The following SGCZ variants were observed in gnomAD, a reference collection of about 807,000 sequenced individuals.
The protein encoded by SGCZ is sarcoglycan zeta, also known as zeta-sarcoglycan.
SGCZ carries 40 observed loss-of-function variants against 41.3 expected under a neutral mutation model. The ratio of observed to expected loss-of-function variants is 0.97; its 90% CI spans 0.75 to 1.26. The LOEUF (loss-of-function observed/expected upper bound fraction) is 1.26, where lower values mean the gene tolerates loss of function less well. SGCZ is among the 50% of genes most tolerant of loss of function. SGCZ has a pLI of 0.00. For missense variants in SGCZ, 552 were observed against 369.8 expected (o/e 1.49, Z -4.04); for synonymous variants, 206 against 137.5 (o/e 1.50, Z -3.49).
At chr8:14,279,069 T>C (rs1469540814) in intron 3 of SGCZ, among the ~76,000 whole-genome samples, 1 of 152,074 alleles carries the variant, frequency 6.6e-6, no homozygotes, top group Non-Finnish European at 1.5e-5. Flanking sequence ...GTGCCACTTC[T>C]CTTACTATAT....
intron 1 of SGCZ, among the ~76,000 whole-genome samples, chr8:14,616,595 G>C (rs1386612164): frequency 6.6e-6 from 1 of 151,968 alleles, no homozygotes; most frequent in African/African-American, 2.4e-5. Flanking sequence ...GTGTTCTCCA[G>C]TTTCTCTTTA....
At chr8:14,880,308 T>C (rs1804539350) in intron 1 of SGCZ, among the ~76,000 whole-genome samples, 1 of 152,078 alleles carries the variant, frequency 6.6e-6, no homozygotes, top group Non-Finnish European at 1.5e-5. Context: ...AAACAACAGG[T>C]GCTGGAGAGG....
chr8:14,942,982 A>AT (rs1418333278), intron 1 of SGCZ, among the ~76,000 whole-genome samples: 5 of 152,190 alleles, frequency 3.3e-5, no homozygotes, highest in Admixed American at 3.3e-4. Context: ...TTGCTGAATC[A>AT]TGCCAGTCTT....
chr8:14,643,704 T>C (rs1807108423), intron 1 of SGCZ, among the ~76,000 whole-genome samples: 1 of 151,640 alleles, frequency 6.6e-6, no homozygotes, highest in Non-Finnish European at 1.5e-5. Flanking sequence ...CACTGAAAAA[T>C]CAAAGCTTGG....
At chr8:14,280,208 T>C (rs1297936698) in intron 3 of SGCZ, among the ~76,000 whole-genome samples, 3 of 151,992 alleles carry the variant, frequency 2.0e-5, no homozygotes, top group Admixed American at 2.0e-4. Flanking sequence ...AGGATTGTTC[T>C]ATTTTGAATC....
intron 1 of SGCZ, among the ~76,000 whole-genome samples, chr8:14,921,263 T>C (rs1307657220): frequency 6.6e-6 from 1 of 152,156 alleles, no homozygotes; most frequent in Non-Finnish European, 1.5e-5. Context: ...CCTTCAGACC[T>C]AAAATGATCT....
chr8:15,090,094 G>A (rs1204109204), intron 1 of SGCZ, among the ~76,000 whole-genome samples: 2 of 152,128 alleles, frequency 1.3e-5, no homozygotes, highest in African/African-American at 2.4e-5. Context: ...TTCAGTTACT[G>A]ACAAAGTGCC....
At chr8:14,585,298 C>T (rs1183849430) in intron 1 of SGCZ, among the ~76,000 whole-genome samples, 1 of 152,102 alleles carries the variant, frequency 6.6e-6, no homozygotes, top group South Asian at 2.1e-4. Flanking sequence ...TACTATTCAT[C>T]TTGAATCATC....
chr8:14,394,314 CT>C lies in SGCZ; in HGVS notation c.235-70111del, dbSNP rs1804902205. 2.0e-5 allele frequency among the ~76,000 whole-genome samples: 3 copies of C among 152,026 alleles called. No individual in the cohort carries two copies. In the South Asian group the frequency reaches 6.3e-4, roughly 32 times the overall value. On this transcript the variant is annotated intron_variant, in intron 2 of 7. Coordinates refer to ENST00000382080, the MANE Select transcript of SGCZ (RefSeq NM_139167.4). ...TACAGGCATGCGCCACCACACCCAGCTAATTTTTGTGTTTCTAACAGAGACT... is the reference window on the plus strand; with the variant it reads ...TACAGGCATGCGCCACCACACCCAGCAATTTTTGTGTTTCTAACAGAGACT...
intron 1 of SGCZ, among the ~76,000 whole-genome samples, chr8:14,618,653 G>A (rs1366457147): frequency 6.6e-6 from 1 of 152,104 alleles, no homozygotes; most frequent in Admixed American, 6.6e-5. Flanking sequence ...TTTAAAGAGC[G>A]GGATAACTCT....
At chr8:14,946,246 T>C (rs925089585) in intron 1 of SGCZ, among the ~76,000 whole-genome samples, 1 of 150,664 alleles carries the variant, frequency 6.6e-6, no homozygotes, top group Non-Finnish European at 1.5e-5. Context: ...GTGGTCAATA[T>C]AGTCAAGCAG....
At chr8:14,242,697 T>A (rs1395807526) in intron 3 of SGCZ, among the ~76,000 whole-genome samples, 2 of 152,158 alleles carry the variant, frequency 1.3e-5, no homozygotes, top group Non-Finnish European at 2.9e-5. Flanking sequence ...GTTTCACAAA[T>A]AAGTATAGTA....
intron 1 of SGCZ, among the ~76,000 whole-genome samples, chr8:14,711,968 C>T (rs934334177): frequency 1.3e-5 from 2 of 152,050 alleles, no homozygotes; most frequent in Non-Finnish European, 2.9e-5. Flanking sequence ...CCTACAAAAT[C>T]AAAACTAAAG....
At chr8:15,103,583 G>A (rs890657700) in intron 1 of SGCZ, among the ~76,000 whole-genome samples, 1 of 152,010 alleles carries the variant, frequency 6.6e-6, no homozygotes, top group Admixed American at 6.6e-5. Context: ...TTCTAATAAA[G>A]GAGTCTAAGC....
chr8:15,138,186 G>C (rs1405731784), intron 1 of SGCZ, among the ~76,000 whole-genome samples: 1 of 152,082 alleles, frequency 6.6e-6, no homozygotes. Flanking sequence ...CCCTTGTTTT[G>C]GCTAATTTCT....
At position 14,745,907 on chromosome 8, in the gene SGCZ, A is replaced by AC. The variant is rs1554492075; in HGVS notation, c.40-190982_40-190981insG. On this transcript the variant is annotated intron_variant, in intron 1 of 7. Transcript: ENST00000382080. ...CTCCTTCAGGAAATAACCCAAACAG[A>AC]TTTTTTTTTAAAAGACTTATGCTTA... 1.5e-4 allele frequency among the ~76,000 whole-genome samples: 23 copies of AC among 151,636 alleles called. No homozygotes were observed. The East Asian group carries it at 3.9e-3, about 26-fold the overall frequency.
At chr8:14,943,438 G>C (rs1178526870) in intron 1 of SGCZ, among the ~76,000 whole-genome samples, 1 of 152,156 alleles carries the variant, frequency 6.6e-6, no homozygotes, top group Non-Finnish European at 1.5e-5. Context: ...TGACTCTTTG[G>C]ATCTATACTG....
chr8:14,910,395 T>C (rs777335676), intron 1 of SGCZ, among the ~76,000 whole-genome samples: 1 of 152,058 alleles, frequency 6.6e-6, no homozygotes, highest in African/African-American at 2.4e-5. Context: ...CTTAACTCAG[T>C]GTTTGTAGCA....
At chr8:15,199,286 T>C (rs1434887469) in intron 1 of SGCZ, among the ~76,000 whole-genome samples, 1 of 152,164 alleles carries the variant, frequency 6.6e-6, no homozygotes, top group Non-Finnish European at 1.5e-5. Context: ...GTGATCTCAG[T>C]GATAGCAGAA....
Sources: gnomAD v4.1 joint callset for allele counts (sites outside exome capture counted in the v4.1 genomes callset) on GRCh38, gnomAD v4.1.1 for gene constraint, MANE v1.5 for transcripts, NCBI Gene and HGNC (gene_info 2026-07-23, HGNC 2026-07-21) for gene names.